The following OPCML variants were observed in gnomAD, a reference collection of about 807,000 sequenced individuals.
OPCML encodes opioid-binding protein/cell adhesion molecule.
Under a neutral mutation model 37.8 loss-of-function variants are expected in OPCML, and 13 were observed. The observed-to-expected ratio is 0.34, with a 90% CI of 0.22 to 0.55. The LOEUF (loss-of-function observed/expected upper bound fraction) is 0.55, where lower values mean the gene tolerates loss of function less well. Among genes scored for constraint, OPCML ranks in the 20% least tolerant of loss-of-function variants. OPCML has a pLI of 0.91. For synonymous variants in OPCML, 176 were observed against 168.8 expected (o/e 1.04, Z -0.33); for missense variants, 341 against 435.6 (o/e 0.78, Z 1.93).
chr11:133,374,020 A>T (rs1944743398), intron 1 of OPCML, among the ~76,000 whole-genome samples: 1 of 152,212 alleles, frequency 6.6e-6, no homozygotes, highest in South Asian at 2.1e-4. Context: ...TACCCAAAAG[A>T]AATGAAAAAA....
In OPCML at chr11:133,007,677, C is replaced by A. The variant is rs1324160090; in HGVS notation, c.62-64667G>T. ...GTCTTTTATTGAAATAATAGGCACA[C>A]AGAGAGATGAAGAAATTAAGCCAGA... On this transcript the variant is annotated intron_variant, in intron 1 of 7. Coordinates refer to ENST00000524381, the MANE Select transcript of OPCML (RefSeq NM_001012393.5). 4 of 985,248 alleles carry A rather than the reference C, an allele frequency of 4.1e-6. No homozygotes were observed. The African/African-American group carries it at 7.0e-5, about 17-fold the overall frequency. 61.0% of individuals were successfully genotyped at this position (985,248 alleles called of 1,614,324 possible).
chr11:133,118,700 A>T (rs1350003939), intron 1 of OPCML, among the ~76,000 whole-genome samples: 1 of 151,722 alleles, frequency 6.6e-6, no homozygotes, highest in Non-Finnish European at 1.5e-5. Flanking sequence ...GTAGCACAGA[A>T]CTCCCACTCA....
At chr11:133,319,274 A>T (rs1943275172) in intron 1 of OPCML, among the ~76,000 whole-genome samples, 1 of 152,210 alleles carries the variant, frequency 6.6e-6, no homozygotes, top group South Asian at 2.1e-4. Flanking sequence ...TTGTGCACCC[A>T]GGTGAGATGG....
intron 2 of OPCML, among the ~76,000 whole-genome samples, chr11:132,940,538 C>T (rs896713024): frequency 6.6e-6 from 1 of 152,172 alleles, no homozygotes; most frequent in African/African-American, 2.4e-5. Context: ...CCAAATAAAA[C>T]ATGGTATATT....
chr11:132,827,682 C>T (rs1222753082), intron 2 of OPCML, among the ~76,000 whole-genome samples: 1 of 152,154 alleles, frequency 6.6e-6, no homozygotes, highest in African/African-American at 2.4e-5. Context: ...CCCTGTCACC[C>T]AGGCTGGAGT....
intron 1 of OPCML, among the ~76,000 whole-genome samples, chr11:133,379,400 C>T (rs971132154): frequency 6.6e-6 from 1 of 152,242 alleles, no homozygotes; most frequent in Admixed American, 6.5e-5. Flanking sequence ...CGGCCACACC[C>T]ATTTCTTCAG....
chr11:132,798,637 G>A (rs1337845031), intron 2 of OPCML, among the ~76,000 whole-genome samples: 1 of 152,162 alleles, frequency 6.6e-6, no homozygotes, highest in Non-Finnish European at 1.5e-5. Context: ...TCAAGAGTTG[G>A]AATAGACTTC....
chr11:132,633,272 G>A (rs891400398), intron 3 of OPCML, among the ~76,000 whole-genome samples: 3 of 151,264 alleles, frequency 2.0e-5, no homozygotes, highest in East Asian at 3.9e-4. Flanking sequence ...GTGTGATCTC[G>A]GCTCACTGCA....
chr11:133,261,539 C>G (rs536970410), intron 1 of OPCML, among the ~76,000 whole-genome samples: 32 of 152,282 alleles, frequency 2.1e-4, no homozygotes, highest in South Asian at 4.2e-4. Context: ...AGTGGTGAGG[C>G]TGGCACATGG....
At chr11:132,646,675 AAG>A (rs1344082490) in intron 3 of OPCML, among the ~76,000 whole-genome samples, 1 of 152,224 alleles carries the variant, frequency 6.6e-6, no homozygotes, top group Non-Finnish European at 1.5e-5. Context: ...AAAAGAGAAA[AAG>A]AGTCAAAGCT....
intron 1 of OPCML, chr11:133,299,352 T>C (rs1383649085): frequency 2.6e-5 from 4 of 152,278 alleles, no homozygotes; most frequent in Non-Finnish European, 5.9e-5. Flanking sequence ...AGTTAATCCC[T>C]GGCTTTAATG....
intron 2 of OPCML, among the ~76,000 whole-genome samples, chr11:132,778,184 A>G (rs1299167277): frequency 6.6e-6 from 1 of 152,186 alleles, no homozygotes; most frequent in Non-Finnish European, 1.5e-5. Flanking sequence ...CTTTTCCAAT[A>G]AGCTCGCCAA....
chr11:132,544,375 T>C (rs1158223241), intron 3 of OPCML, among the ~76,000 whole-genome samples: 3 of 152,176 alleles, frequency 2.0e-5, no homozygotes, highest in Non-Finnish European at 4.4e-5. Context: ...AGGTGAGACA[T>C]ACACAAAATT....
intron 4 of OPCML, among the ~76,000 whole-genome samples, chr11:132,455,230 A>G (rs74336784): frequency 5.3e-5 from 8 of 152,222 alleles, no homozygotes; most frequent in African/African-American, 1.7e-4. Context: ...TTTGCAAATG[A>G]TCACACAGTG....
At chr11:132,742,871 T>C (rs1421642494) in intron 2 of OPCML, among the ~76,000 whole-genome samples, 3 of 151,754 alleles carry the variant, frequency 2.0e-5, no homozygotes, top group Non-Finnish European at 4.4e-5. Context: ...TTCAAAATAC[T>C]GAAGTACAAT....
At chr11:132,615,110 T>C (rs979909698) in intron 3 of OPCML, among the ~76,000 whole-genome samples, 1 of 152,244 alleles carries the variant, frequency 6.6e-6, no homozygotes, top group African/African-American at 2.4e-5. Flanking sequence ...TTTTTATTTA[T>C]TAATTTTTTC....
intron 3 of OPCML, among the ~76,000 whole-genome samples, chr11:132,559,967 G>T (rs1478736143): frequency 2.6e-5 from 4 of 152,170 alleles, no homozygotes; most frequent in African/African-American, 9.7e-5. Flanking sequence ...TTATATAAAA[G>T]CCATAATTTA....
intron 2 of OPCML, among the ~76,000 whole-genome samples, chr11:132,684,808 T>A (rs1943100905): frequency 2.6e-5 from 4 of 152,212 alleles, no homozygotes; most frequent in Admixed American, 2.0e-4. Context: ...AACTTTGCGG[T>A]CACTGTTGTA....
intron 2 of OPCML, among the ~76,000 whole-genome samples, chr11:132,684,941 G>T (rs1406014705): frequency 6.6e-6 from 1 of 152,186 alleles, no homozygotes; most frequent in Non-Finnish European, 1.5e-5. Flanking sequence ...TTAAAAGTCA[G>T]CATCTCTTCT....
Sources: allele counts gnomAD v4.1 joint callset (sites outside exome capture counted in the v4.1 genomes callset), GRCh38; gene constraint gnomAD v4.1.1; transcripts MANE v1.5; gene names NCBI Gene and HGNC (gene_info 2026-07-23, HGNC 2026-07-21).